The following ZC3H10 variants were observed in gnomAD, a reference collection of about 807,000 sequenced individuals.
ZC3H10 encodes the protein zinc finger CCCH-type containing 10.
In ZC3H10, 12 loss-of-function variants were observed where a neutral mutation model predicts 24.3. The ratio of observed to expected loss-of-function variants is 0.49; its 90% CI spans 0.32 to 0.80. The LOEUF (loss-of-function observed/expected upper bound fraction) is 0.80, where lower values mean the gene tolerates loss of function less well. ZC3H10 is among the 30% of genes least tolerant of loss of function. ZC3H10 has a pLI of 0.04. For synonymous variants in ZC3H10, 226 were observed against 217.0 expected, an observed-to-expected ratio of 1.04 and a Z score of -0.36; for missense variants, 360 against 576.3, an observed-to-expected ratio of 0.62 and a Z score of 3.84.
Position 56,120,888 on chromosome 12 carries a change from G to A in ZC3H10, c.326G>A (p.Gly109Glu). The change falls in exon 3 of 3, where the codon GGA (glycine) becomes GAA (glutamate). Residue 109 changes from glycine (G) to glutamate (E), a missense_variant. Transcript: ENST00000257940. ...GATGAGGATGGCTATAAGAAGACAG[G>A]AGAGCTTCCCCCACGGCTGAGGCAG... ...KEDEDGYKKTGELPPRLRQKV... is the reference protein window; with the variant it reads ...KEDEDGYKKTEELPPRLRQKV... 1 of 1,614,182 alleles carries A rather than the reference G, an allele frequency of 6.2e-7. No individual in the cohort carries two copies. Among genetic ancestry groups the A allele is most frequent in the Non-Finnish European group, 8.5e-7 (1 of 1,180,032 alleles).
At position 56,121,691 on chromosome 12, in the gene ZC3H10, A is replaced by C; in HGVS notation, c.1129A>C (p.Met377Leu). The change falls in exon 3 of 3, where the codon ATG becomes CTG. Residue 377 changes from methionine (M) to leucine (L), a missense_variant. Around this residue, in one of 3 missense-constraint regions of ZC3H10, gnomAD observed 133 missense variants for 256.7 expected, o/e 0.52. Coordinates refer to ENST00000257940, the MANE Select transcript of ZC3H10 (RefSeq NM_032786.3). This position sits in a 1 kb window ranked among gnomAD's most constrained non-coding sequence, Gnocchi z 6.2. ...AALAQTIAQG[M>L]APPPVSMAPV... ...CCTGGCTCAAACAATTGCCCAGGGA[A>C]TGGCACCTCCACCTGTCTCCATGGC... 6.2e-7 allele frequency: 1 copy of C among 1,613,972 alleles called. No homozygotes were observed. Among genetic ancestry groups the C allele is most frequent in the Non-Finnish European group, 8.5e-7 (1 of 1,179,990 alleles).
In ZC3H10 at chr12:56,126,170, G is replaced by A. The variant is rs774114480; in HGVS notation, c.*4303G>A. 5 of 152,342 alleles carry A rather than the reference G, an allele frequency of 3.3e-5. No individual in the cohort carries two copies. Among genetic ancestry groups the A allele is most frequent in the Admixed American group, 6.5e-5 (1 of 15,298 alleles). 9.4% of individuals were successfully genotyped at this position (152,342 alleles called of 1,614,324 possible). On this transcript the variant is annotated 3_prime_UTR_variant, in exon 3 of 3. Coordinates refer to ENST00000257940, the MANE Select transcript of ZC3H10 (RefSeq NM_032786.3). ...TGCCCTTCCCATCTTTGTGAGCTGA[G>A]ATCAGAGTACCGTATCTCACCCTCT...
Position 56,121,675 on chromosome 12 carries a change from A to G in ZC3H10, c.1113A>G (p.Gln371=). ...CGCCACTGTCAGCTGCCCTGGCTCA[A>G]ACAATTGCCCAGGGAATGGCACCTC... The part of the protein sequence containing the change: ...EITPLSAALA[Q]TIAQGMAPPP... The change falls in exon 3 of 3, where the codon CAA becomes CAG. Residue 371 remains glutamine (Q), a synonymous_variant. Transcript: ENST00000257940. The surrounding 1 kb of genome is among the most constrained non-coding windows in gnomAD (Gnocchi z 6.2). 6.2e-7 allele frequency: 1 copy of G among 1,613,908 alleles called. No individual in the cohort carries two copies.
rs1408226377 is a variant in ZC3H10, at chr12:56,121,876, A to G, written c.*9A>G. ...CGGCCATGCCACACTGATGGGGCTAATGGACACTCCCCTGGTATAGCCTCG... is the reference window on the plus strand; with the variant it reads ...CGGCCATGCCACACTGATGGGGCTAGTGGACACTCCCCTGGTATAGCCTCG... On this transcript the variant is annotated 3_prime_UTR_variant, in exon 3 of 3. Coordinates refer to ENST00000257940, the MANE Select transcript of ZC3H10 (RefSeq NM_032786.3). This position sits in a 1 kb window ranked among gnomAD's most constrained non-coding sequence, Gnocchi z 6.2. 15 of 1,596,764 alleles carry G rather than the reference A, an allele frequency of 9.4e-6. No homozygotes were observed. The highest frequency in any genetic ancestry group is 1.3e-5 in the Non-Finnish European group (15 of 1,169,858).
rs1869805334 is a variant in ZC3H10 at position 56,121,102 on chromosome 12, A to G, written c.540A>G (p.Ser180=). The G allele has an allele frequency of 1.2e-6, 2 of 1,614,122 alleles. No homozygotes were observed. The highest frequency in any genetic ancestry group is 1.1e-5 in the South Asian group (1 of 91,090). ...GCACTGGTGGGGGCTCAACAGGCTCAGTCCTCCCAGGACGACGTCATGATC... is the reference window on the plus strand; with the variant it reads ...GCACTGGTGGGGGCTCAACAGGCTCGGTCCTCCCAGGACGACGTCATGATC... ...GGGTGGGSTG[S]VLPGRRHDLY... Residue 180 remains serine (S), a synonymous_variant, in exon 3 of 3, where the codon TCA becomes TCG. Transcript: ENST00000257940. The surrounding 1 kb of genome is among the most constrained non-coding windows in gnomAD (Gnocchi z 6.2).
In ZC3H10 at chr12:56,120,990, T is replaced by C; in HGVS notation, c.428T>C (p.Phe143Ser). Residue 143 changes from phenylalanine (F) to serine (S), a missense_variant, in exon 3 of 3, where the codon TTT (phenylalanine) becomes TCT (serine). Phe to Ser is a radical substitution (Grantham distance 155, BLOSUM62 -2). Transcript: ENST00000257940. ...GAGGAGGTCCCTATCTGCCGTGACT[T>C]TCTCAAGGGTGACTGTCAGAGAGGA... Reference protein sequence around the residue: ...GKEEVPICRDFLKGDCQRGAK... With the variant: ...GKEEVPICRDSLKGDCQRGAK... 6.2e-7 allele frequency: 1 copy of C among 1,614,136 alleles called. No individual in the cohort carries two copies. Among genetic ancestry groups the C allele is most frequent in the Non-Finnish European group, 8.5e-7 (1 of 1,180,014 alleles).
rs1187045698 is a variant in ZC3H10, at chr12:56,122,355, C to T, written c.*488C>T. On this transcript the variant is annotated 3_prime_UTR_variant, in exon 3 of 3. Coordinates refer to ENST00000257940, the MANE Select transcript of ZC3H10 (RefSeq NM_032786.3). ...CTTGGGTTGGACAATACAGGAATTG[C>T]TTCTGGGCCCTGGGAAAGCTGGGAC... The T allele has an allele frequency of 5.9e-6, 1 of 169,794 alleles. No individual in the cohort carries two copies. Among genetic ancestry groups the T allele is most frequent in the African/African-American group, 2.4e-5 (1 of 41,508 alleles). 10.5% of individuals were successfully genotyped at this position (169,794 alleles called of 1,614,324 possible).
chr12:56,120,265 T>A, intron 2 of ZC3H10: 1 of 985,466 alleles, frequency 1.0e-6, no homozygotes, highest in Non-Finnish European at 1.2e-6. Context: ...ACACTATTTT[T>A]TCCCTGCTCC....
At chr12:56,119,364 T>G (rs1869739648) in intron 2 of ZC3H10, 1 of 152,208 alleles carries the variant, frequency 6.6e-6, no homozygotes, top group Admixed American at 6.5e-5. Flanking sequence ...AGGAGGACCC[T>G]CTTACAGATT....
chr12:56,118,926 T>C (rs889296811), intron 1 of ZC3H10, 162 bp from the exon 2 acceptor site: 2 of 152,696 alleles, frequency 1.3e-5, no homozygotes, highest in Non-Finnish European at 2.9e-5. Context: ...CTCTTCTTAC[T>C]GGCAACTTCT....
intron 2 of ZC3H10, chr12:56,120,193 G>T: frequency 9.7e-7 from 1 of 1,033,624 alleles, no homozygotes. Context: ...GATACTGACT[G>T]CAGTTTTAAT....
chr12:56,121,630 A>T lies in ZC3H10; in HGVS notation c.1068A>T (p.Pro356=), dbSNP rs764699783. Reference sequence around the variant, plus strand: ...CTGCTGCTCCACCACCCCCACCCCCACACTTGACCCCAGAGATCACGCCAC... The same window carrying T: ...CTGCTGCTCCACCACCCCCACCCCCTCACTTGACCCCAGAGATCACGCCAC... ...APPAAPPPPP[P]HLTPEITPLS... Residue 356 remains proline (P), a synonymous_variant, in exon 3 of 3, where the codon CCA becomes CCT. Coordinates refer to ENST00000257940, the MANE Select transcript of ZC3H10 (RefSeq NM_032786.3). The surrounding 1 kb of genome is among the most constrained non-coding windows in gnomAD (Gnocchi z 6.2). 2 of 1,528,712 alleles carry T rather than the reference A, an allele frequency of 1.3e-6. No individual in the cohort carries two copies. The highest frequency in any genetic ancestry group is 1.8e-6 in the Non-Finnish European group (2 of 1,133,640). 94.7% of individuals were successfully genotyped at this position (1,528,712 alleles called of 1,614,324 possible). A position where few individuals can be genotyped will look rare whatever the true frequency, so the allele number is the denominator to read the frequency against.
At position 56,120,903 on chromosome 12, in the gene ZC3H10, G is replaced by T; in HGVS notation, c.341G>T (p.Arg114Leu). ...AAGAAGACAGGAGAGCTTCCCCCAC[G>T]GCTGAGGCAGAAAGTAGCAGCTGGC... ...GYKKTGELPP[R>L]LRQKVAAGLG... The change falls in exon 3 of 3, where the codon CGG becomes CTG. Residue 114 changes from arginine (R) to leucine (L), a missense_variant. Arg to Leu is a moderately radical substitution (Grantham distance 102, BLOSUM62 -2). Coordinates refer to ENST00000257940, the MANE Select transcript of ZC3H10 (RefSeq NM_032786.3). 1 of 1,614,194 alleles carries T rather than the reference G, an allele frequency of 6.2e-7. No homozygotes were observed. Among genetic ancestry groups the T allele is most frequent in the Non-Finnish European group, 8.5e-7 (1 of 1,180,028 alleles).
intron 1 of ZC3H10, 132 bp downstream of exon 1, chr12:56,118,450 C>T (rs1449289195): frequency 1.3e-5 from 2 of 152,828 alleles, no homozygotes; most frequent in Non-Finnish European, 2.9e-5. Flanking sequence ...CACCCCAGGG[C>T]AGTGCCCCTT....
Position 56,121,212 on chromosome 12 carries a change from C to G in ZC3H10, c.650C>G (p.Pro217Arg). The G allele has an allele frequency of 6.2e-7, 1 of 1,613,932 alleles. No homozygotes were observed. Among genetic ancestry groups the G allele is most frequent in the Non-Finnish European group, 8.5e-7 (1 of 1,180,042 alleles). ...CGCCGGCGAGGTGGATGCTGCCCCC[C>G]TGATGGCCCTCATTTTGAGTCATAT... ...PKRRRGGCCP[P>R]DGPHFESYEY... Residue 217 changes from proline (P) to arginine (R), a missense_variant, in exon 3 of 3, where the codon CCT (proline) becomes CGT (arginine). Transcript: ENST00000257940. The surrounding 1 kb of genome is among the most constrained non-coding windows in gnomAD (Gnocchi z 6.2).
In ZC3H10 at chr12:56,125,885, A is replaced by G. The variant is rs749066987; in HGVS notation, c.*4018A>G. ...ACTGCAGCCTCCGCCTCTCGGGTTCAAGTGATTCTCCTGCCTCAGCCTCCC... is the reference window on the plus strand; with the variant it reads ...ACTGCAGCCTCCGCCTCTCGGGTTCGAGTGATTCTCCTGCCTCAGCCTCCC... On this transcript the variant is annotated 3_prime_UTR_variant, in exon 3 of 3. Transcript: ENST00000257940. 6 of 150,260 alleles carry G rather than the reference A, an allele frequency of 4.0e-5. No individual in the cohort carries two copies. The highest frequency in any genetic ancestry group is 8.8e-5 in the Non-Finnish European group (6 of 67,938). The allele number at this position is 150,260 out of a possible 1,614,324, so 9.3% of individuals were successfully genotyped here.
rs1273817967 is a variant in ZC3H10 at position 56,126,399 on chromosome 12, C to A, written c.*4532C>A. 6.6e-6 allele frequency: 1 copy of A among 152,230 alleles called. No individual in the cohort carries two copies. The allele number at this position is 152,230 out of a possible 1,614,324, so 9.4% of individuals were successfully genotyped here. ...AGTGGGCGGGGACCCACCCTGTTTA[C>A]TTGTGTTGGTAACTGCATTGCAGCT... is the stretch of plus-strand genomic sequence containing the variant. On this transcript the variant is annotated 3_prime_UTR_variant, in exon 3 of 3. Coordinates refer to ENST00000257940, the MANE Select transcript of ZC3H10 (RefSeq NM_032786.3).
chr12:56,119,290 A>G (rs1159177321), intron 2 of ZC3H10, 139 bp downstream of exon 2: 1 of 152,316 alleles, frequency 6.6e-6, no homozygotes, highest in Non-Finnish European at 1.5e-5. Flanking sequence ...AAAAGTTTGT[A>G]TCTTCTTTTA....
chr12:56,119,340 CCT>C (rs1352774308), intron 2 of ZC3H10, 189 bp downstream of exon 2: 1 of 152,242 alleles, frequency 6.6e-6, no homozygotes, highest in African/African-American at 2.4e-5. Context: ...TCTGGGACTA[CCT>C]CTCTTTAGAG....
Sources: allele counts gnomAD v4.1 joint callset, GRCh38; gene constraint gnomAD v4.1.1; regional missense constraint gnomAD v4.1.1; non-coding constraint Gnocchi (gnomAD v3.1); transcripts MANE v1.5; gene names NCBI Gene and HGNC (gene_info 2026-07-23, HGNC 2026-07-21).